INTS15: variants seen among roughly 807,000 people sequenced by gnomAD.
The protein encoded by INTS15 is uncharacterized protein C7orf26.
chr7:6,601,727 G>A, the INTS15 span, among the ~76,000 whole-genome samples: 1 of 151,696 alleles, frequency 6.6e-6, no homozygotes, highest in South Asian at 2.1e-4. Context: ...TGTGATCTCG[G>A]CTTACTGCAA....
the INTS15 span, among the ~76,000 whole-genome samples, chr7:6,595,566 G>A: frequency 6.6e-6 from 1 of 152,186 alleles, no homozygotes; most frequent in South Asian, 2.1e-4. Context: ...ATTTGCCTGA[G>A]GTGCAATGGT....
At chr7:6,601,635 G>A in the INTS15 span, among the ~76,000 whole-genome samples, 1 of 149,736 alleles carries the variant, frequency 6.7e-6, no homozygotes, top group East Asian at 2.0e-4. Context: ...AAGACAAGGA[G>A]AACTCAGATT....
the INTS15 span, chr7:6,594,625 A>G: frequency 3.7e-6 from 6 of 1,607,594 alleles, no homozygotes; most frequent in East Asian, 4.5e-5. Context: ...GGTTATTTCT[A>G]TGGAAGAAGC....
the INTS15 span, among the ~76,000 whole-genome samples, chr7:6,604,429 C>T: frequency 3.3e-4 from 50 of 152,242 alleles, no homozygotes; most frequent in African/African-American, 1.2e-3. Context: ...TAGTGGAAAG[C>T]AGAACCCCTG....
chr7:6,607,859 C>T, the INTS15 span: 11 of 1,540,792 alleles, frequency 7.1e-6, no homozygotes, highest in Admixed American at 3.9e-5. This position sits in a 1 kb window ranked among gnomAD's most constrained non-coding sequence, Gnocchi z 6.0. Context: ...TGTGTCGGTG[C>T]CTCTCCTGGG....
chr7:6,607,779 CG>C, the INTS15 span: 1 of 1,483,248 alleles, frequency 6.7e-7, no homozygotes, highest in Non-Finnish European at 8.9e-7. The surrounding 1 kb of genome is among the most constrained non-coding windows in gnomAD (Gnocchi z 6.0). Context: ...CACGCATCCT[CG>C]CCTGTGGGGT....
At chr7:6,600,814 C>T in the INTS15 span, among the ~76,000 whole-genome samples, 15 of 152,096 alleles carry the variant, frequency 9.9e-5, no homozygotes, top group East Asian at 2.5e-3. Flanking sequence ...TGCGCCACCA[C>T]GCCTGGCTAA....
the INTS15 span, chr7:6,591,788 G>C: frequency 3.7e-6 from 6 of 1,614,036 alleles, no homozygotes; most frequent in Admixed American, 8.3e-5. Flanking sequence ...AGCCGGATGA[G>C]CTTGTTGGGA....
chr7:6,590,122 C>G, the INTS15 span: 1 of 486,530 alleles, frequency 2.1e-6, no homozygotes. Context: ...GCAGCGATGG[C>G]CCCCTGAGCA....
the INTS15 span, among the ~76,000 whole-genome samples, chr7:6,590,803 C>G: frequency 6.6e-6 from 1 of 151,922 alleles, no homozygotes; most frequent in Non-Finnish European, 1.5e-5. Context: ...ATCTGTATGG[C>G]TTTCTTCTTA....
the INTS15 span, among the ~76,000 whole-genome samples, chr7:6,596,230 AT>A: frequency 6.6e-6 from 1 of 151,470 alleles, no homozygotes; most frequent in Non-Finnish European, 1.5e-5. Context: ...TAATTTTTGT[AT>A]TTTTAGTAGA....
the INTS15 span, among the ~76,000 whole-genome samples, chr7:6,595,858 G>T: frequency 3.4e-4 from 51 of 152,186 alleles, no homozygotes; most frequent in African/African-American, 1.1e-3. Context: ...GACAAAACCT[G>T]CTTTTCTGCT....
chr7:6,605,325 C>T, the INTS15 span, among the ~76,000 whole-genome samples: 1 of 152,100 alleles, frequency 6.6e-6, no homozygotes, highest in Non-Finnish European at 1.5e-5. Flanking sequence ...CTAGAAGTTT[C>T]CACAGCATCG....
At chr7:6,591,639 T>C in the INTS15 span, 6 of 1,612,760 alleles carry the variant, frequency 3.7e-6, no homozygotes, top group Admixed American at 1.0e-4. Context: ...CGGGATTTCT[T>C]TTGCAGAGAC....
the INTS15 span, among the ~76,000 whole-genome samples, chr7:6,604,499 T>C: frequency 6.6e-6 from 1 of 152,116 alleles, no homozygotes; most frequent in Non-Finnish European, 1.5e-5. Flanking sequence ...AGTAATGTTC[T>C]TCCTTCAGAG....
At chr7:6,595,712 T>C in the INTS15 span, among the ~76,000 whole-genome samples, 1 of 152,180 alleles carries the variant, frequency 6.6e-6, no homozygotes, top group Admixed American at 6.6e-5. Flanking sequence ...AGAATCTTGC[T>C]CTGTTGCACA....
chr7:6,590,079 G>T, the INTS15 span: 1 of 331,086 alleles, frequency 3.0e-6, no homozygotes, highest in African/African-American at 2.2e-5. Flanking sequence ...CGGCGCCGCA[G>T]TCGGACCTTC....
the INTS15 span, among the ~76,000 whole-genome samples, chr7:6,599,474 G>A: frequency 2.6e-5 from 4 of 152,232 alleles, no homozygotes; most frequent in Non-Finnish European, 5.9e-5. Flanking sequence ...AAGGGGTGAC[G>A]TGTGGCAGTG....
the INTS15 span, chr7:6,590,365 T>C: frequency 6.2e-7 from 1 of 1,607,298 alleles, no homozygotes; most frequent in Non-Finnish European, 8.5e-7. Flanking sequence ...GGACATCTAC[T>C]TCAGCAGCCA....
Sources: gnomAD v4.1 joint callset for allele counts (sites outside exome capture counted in the v4.1 genomes callset) on GRCh38, gnomAD v4.1.1 for gene constraint, Gnocchi (gnomAD v3.1) non-coding constraint, MANE v1.5 for transcripts, NCBI Gene and HGNC (gene_info 2026-07-23, HGNC 2026-07-21) for gene names.